ARID1B: variants seen among roughly 807,000 people sequenced by gnomAD.
ARID1B encodes the protein AT-rich interactive domain-containing protein 1B.
In ARID1B, 30 loss-of-function variants were observed where a neutral mutation model predicts 212.3. That is an observed-to-expected ratio of 0.14 (90% CI 0.11 to 0.19). ARID1B has a LOEUF of 0.19. ARID1B is among the 10% of genes least tolerant of loss of function. The pLI is 1.00. For synonymous variants in ARID1B, 1,402 were observed against 1,301.7 expected, an observed-to-expected ratio of 1.08 and a Z score of -1.66; for missense variants, 2,891 against 3,204.0, an observed-to-expected ratio of 0.90 and a Z score of 2.36.
Position 156,984,851 on chromosome 6 carries a change from C to G in ARID1B, c.2247+49275C>G, listed in dbSNP as rs192756368. The stretch of plus-strand genomic sequence containing the variant: ...TACGGGCATGCATGCACCACCACAT[C>G]TGGCTAATTGTTTTGTATTTTTTGT... On this transcript the variant is annotated intron_variant, in intron 4 of 19. Coordinates refer to ENST00000636930, the MANE Select transcript of ARID1B (RefSeq NM_001374828.1). 1.3e-4 allele frequency: 20 copies of G among 152,278 alleles called. No individual in the cohort carries two copies. In the East Asian group the frequency reaches 3.9e-3, roughly 29 times the overall value. The allele number at this position is 152,278 out of a possible 1,614,324, so 9.4% of individuals were successfully genotyped here.
At position 157,133,096 on chromosome 6, in the gene ARID1B, A is replaced by G; in HGVS notation, c.2650A>G (p.Met884Val). 1.2e-6 allele frequency: 2 copies of G among 1,614,186 alleles called. No individual in the cohort carries two copies. The highest frequency in any genetic ancestry group is 1.1e-5 in the South Asian group (1 of 91,074). ...QYGPQQTGPS[M>V]SPHPSPGGQM... ...TGGACCTCAACAGACAGGACCATCC[A>G]TGTCGCCTCATCCTTCTCCTGGGGG... is the stretch of plus-strand genomic sequence containing the variant. Residue 884 changes from methionine (M) to valine (V), a missense_variant, in exon 7 of 20, where the codon ATG becomes GTG. Transcript: ENST00000636930.
chr6:157,209,456 T>C lies in ARID1B; in HGVS notation c.*1565T>C, dbSNP rs866024665. 2 of 232,636 alleles carry C rather than the reference T, an allele frequency of 8.6e-6. No individual in the cohort carries two copies. Among genetic ancestry groups the C allele is most frequent in the South Asian group, 3.6e-4 (2 of 5,528 alleles). 14.4% of individuals were successfully genotyped at this position (232,636 alleles called of 1,614,324 possible). On this transcript the variant is annotated 3_prime_UTR_variant, in exon 20 of 20. Coordinates refer to ENST00000636930, the MANE Select transcript of ARID1B (RefSeq NM_001374828.1). ...GATTTTCTCAAATTACTTAGCTAAT[T>C]AGTCTTTCTTTGAAGCAATTAACTC... is the stretch of plus-strand genomic sequence containing the variant.
intron 12 of ARID1B, among the ~76,000 whole-genome samples, chr6:157,182,915 A>G (rs1239534135): frequency 6.6e-6 from 1 of 152,046 alleles, no homozygotes; most frequent in Non-Finnish European, 1.5e-5. Flanking sequence ...GATTTTTTAG[A>G]ATCACCAAGA....
chr6:156,929,464 C>A (rs1791519335), intron 3 of ARID1B, among the ~76,000 whole-genome samples: 1 of 152,124 alleles, frequency 6.6e-6, no homozygotes, highest in Admixed American at 6.5e-5. Context: ...TCTCCCCCAC[C>A]CTCACATGTT....
chr6:157,087,435 T>C (rs1476512634), intron 5 of ARID1B, among the ~76,000 whole-genome samples: 1 of 152,182 alleles, frequency 6.6e-6, no homozygotes, highest in African/African-American at 2.4e-5. Flanking sequence ...TGTGCCTCAG[T>C]TTCTGCATCT....
At chr6:157,082,902 CT>C (rs1391638711) in intron 4 of ARID1B, among the ~76,000 whole-genome samples, 3 of 152,122 alleles carry the variant, frequency 2.0e-5, no homozygotes, top group Admixed American at 1.3e-4. Flanking sequence ...TAGCATTTCT[CT>C]TTTTGATTAG....
At chr6:156,842,868 C>A (rs947463251) in intron 2 of ARID1B, among the ~76,000 whole-genome samples, 1 of 152,202 alleles carries the variant, frequency 6.6e-6, no homozygotes, top group African/African-American at 2.4e-5. Flanking sequence ...AGTGGGGAAA[C>A]AGAGGTTAGG....
chr6:157,135,700 A>T (rs1457012987), intron 7 of ARID1B, among the ~76,000 whole-genome samples: 1 of 152,114 alleles, frequency 6.6e-6, no homozygotes. Flanking sequence ...AGGAGATCAC[A>T]TTTGCAATGT....
At chr6:156,977,815 G>A (rs138290767) in intron 4 of ARID1B, among the ~76,000 whole-genome samples, 3 of 152,064 alleles carry the variant, frequency 2.0e-5, no homozygotes, top group South Asian at 2.1e-4. Flanking sequence ...TTGAACTTTA[G>A]TCTGGGACCC....
chr6:156,898,400 T>C (rs906574403), intron 2 of ARID1B, among the ~76,000 whole-genome samples: 3 of 152,076 alleles, frequency 2.0e-5, no homozygotes, highest in African/African-American at 7.2e-5. Context: ...GAAGCCTAAC[T>C]GGGTTCAGGT....
At chr6:156,902,504 A>G (rs1487528813) in intron 3 of ARID1B, among the ~76,000 whole-genome samples, 1 of 152,104 alleles carries the variant, frequency 6.6e-6, no homozygotes, top group Non-Finnish European at 1.5e-5. Flanking sequence ...GGTTTCTTAC[A>G]TATTTTCTTG....
intron 4 of ARID1B, among the ~76,000 whole-genome samples, chr6:157,031,142 G>A (rs779595382): frequency 5.3e-5 from 8 of 151,906 alleles, no homozygotes; most frequent in African/African-American, 1.2e-4. Context: ...AGAAAAACAC[G>A]GAACAACTTC....
In ARID1B at chr6:157,200,041, C is replaced by T. The variant is rs1380211266; in HGVS notation, c.4480-664C>T. Among the ~76,000 whole-genome samples, 2 of 152,166 alleles carry T rather than the reference C, an allele frequency of 1.3e-5. No homozygotes were observed. The highest frequency in any genetic ancestry group is 2.1e-4 in the South Asian group (1 of 4,820). ...GTGGAAAACATCAGCATCTCACTGCCTCCCATCAGAGTCCCACCTACCCCG... is the reference window on the plus strand; with the variant it reads ...GTGGAAAACATCAGCATCTCACTGCTTCCCATCAGAGTCCCACCTACCCCG... On this transcript the variant is annotated intron_variant, in intron 17 of 19. Coordinates refer to ENST00000636930, the MANE Select transcript of ARID1B (RefSeq NM_001374828.1). This position sits in a 1 kb window ranked among gnomAD's most constrained non-coding sequence, Gnocchi z 4.3.
chr6:157,196,691 G>A (rs543250508), intron 16 of ARID1B, among the ~76,000 whole-genome samples: 5 of 152,084 alleles, frequency 3.3e-5, no homozygotes, highest in Admixed American at 1.3e-4. Context: ...CACAGCACCC[G>A]CTCCCCTCCC....
intron 2 of ARID1B, among the ~76,000 whole-genome samples, chr6:156,832,917 T>TTTA (rs76017663): frequency 0.051 from 7,709 of 152,268 alleles, 255 homozygotes; most frequent in Middle Eastern, 0.11. Context: ...TAGTCTTTAT[T>TTTA]AACTGGAACT....
At chr6:156,963,687 A>G (rs1246768172) in intron 4 of ARID1B, among the ~76,000 whole-genome samples, 1 of 152,212 alleles carries the variant, frequency 6.6e-6, no homozygotes, top group East Asian at 1.9e-4. Flanking sequence ...AATCAAAACC[A>G]TGGAAGAGTT....
At chr6:156,948,545 A>G (rs1044217979) in intron 4 of ARID1B, among the ~76,000 whole-genome samples, 2 of 152,180 alleles carry the variant, frequency 1.3e-5, no homozygotes, top group African/African-American at 4.8e-5. Flanking sequence ...GCCCAGCCCC[A>G]TAGTTGCTGC....
chr6:156,852,333 T>C (rs577952863), intron 2 of ARID1B, among the ~76,000 whole-genome samples: 1 of 152,052 alleles, frequency 6.6e-6, no homozygotes, highest in African/African-American at 2.4e-5. Flanking sequence ...ACCTGTAGTC[T>C]CAAGCTTGAG....
intron 13 of ARID1B, chr6:157,186,588 G>C (rs569161682): frequency 4.3e-6 from 2 of 461,632 alleles, no homozygotes; most frequent in African/African-American, 4.0e-5. Flanking sequence ...AAACATTTTT[G>C]TTGTTAAAGG....
Sources: gnomAD v4.1 joint callset for allele counts (sites outside exome capture counted in the v4.1 genomes callset) on GRCh38, gnomAD v4.1.1 for gene constraint, Gnocchi (gnomAD v3.1) non-coding constraint, MANE v1.5 for transcripts, NCBI Gene and HGNC (gene_info 2026-07-23, HGNC 2026-07-21) for gene names.